Variants in CABP1 observed in about 807,000 individuals in gnomAD.
The protein encoded by CABP1 is calcium-binding protein 1.
Under a neutral mutation model 34.3 loss-of-function variants are expected in CABP1, and 17 were observed. The observed-to-expected ratio is 0.50, with a 90% CI of 0.34 to 0.74. The LOEUF (loss-of-function observed/expected upper bound fraction) is 0.74, where lower values mean the gene tolerates loss of function less well. CABP1 is among the 30% of genes least tolerant of loss of function. CABP1 has a pLI of 0.01. For synonymous variants in CABP1, 198 were observed against 229.2 expected (o/e 0.86, Z 1.23); for missense variants, 373 against 511.1 (o/e 0.73, Z 2.61).
intron 1 of CABP1, chr12:120,650,508 C>G (rs763277848): frequency 2.6e-4 from 410 of 1,558,866 alleles, no homozygotes; most frequent in Non-Finnish European, 3.4e-4. Flanking sequence ...GGCTCACATC[C>G]GTCCTGGAGG....
intron 1 of CABP1, chr12:120,655,475 ACCT>A: frequency 2.9e-6 from 3 of 1,029,716 alleles, no homozygotes; most frequent in Non-Finnish European, 3.5e-6. Context: ...CCCAGTCCCC[ACCT>A]CTCACACCCT....
At chr12:120,642,277 G>A (rs7301150) in intron 1 of CABP1, among the ~76,000 whole-genome samples, 69 of 152,212 alleles carry the variant, frequency 4.5e-4, no homozygotes, top group African/African-American at 1.6e-3. Context: ...TGATTAGAGC[G>A]TTTGCGTGGT....
Position 120,667,038 on chromosome 12 carries a change from C to CG in CABP1, c.*138_*139insG. ...GGCCTGCCTGCACCCCGGGGAGGCG[C>CG]CCACCCCGGACCCCCACCCCTCCGC... On this transcript the variant is annotated 3_prime_UTR_variant, in exon 6 of 6. Coordinates refer to ENST00000316803, the MANE Select transcript of CABP1 (RefSeq NM_001033677.2). The CG allele has an allele frequency of 2.0e-6, 2 of 1,008,394 alleles. No homozygotes were observed. The highest frequency in any genetic ancestry group is 2.9e-6 in the Non-Finnish European group (2 of 679,686). 62.5% of individuals were successfully genotyped at this position (1,008,394 alleles called of 1,614,324 possible).
intron 1 of CABP1, chr12:120,655,804 C>T (rs1446062942): frequency 6.6e-7 from 1 of 1,510,882 alleles, no homozygotes; most frequent in South Asian, 1.2e-5. Flanking sequence ...TGATTCTGTG[C>T]ATATGTATGT....
At chr12:120,650,806 G>T in intron 1 of CABP1, 2 of 989,442 alleles carry the variant, frequency 2.0e-6, no homozygotes, top group Non-Finnish European at 3.1e-6. Context: ...TCTGTCCAGG[G>T]CTGCCTCCCT....
At chr12:120,662,367 G>A (rs1880703615) in intron 5 of CABP1, 1 of 151,842 alleles carries the variant, frequency 6.6e-6, no homozygotes, top group Non-Finnish European at 1.5e-5. Context: ...TTGTTTGTTT[G>A]TTTGTTTGTT....
the CABP1 span, among the ~76,000 whole-genome samples, chr12:120,677,776 G>A: frequency 2.6e-5 from 4 of 152,188 alleles, no homozygotes; most frequent in African/African-American, 4.8e-5. Context: ...ATTCACAGAT[G>A]AGGAAACCAA....
chr12:120,680,196 TGTC>T, the CABP1 span, among the ~76,000 whole-genome samples: 1 of 152,182 alleles, frequency 6.6e-6, no homozygotes. Flanking sequence ...TTCTCTTCCA[TGTC>T]GTCTGCATTT....
chr12:120,653,021 T>C lies in CABP1; in HGVS notation c.655-6857T>C, dbSNP rs578150205. ...CATTGGCCAGAAAAGAATTGCAGCCTCTGGGGCAACTTGGTGTTAGGCAGT... is the reference window on the plus strand; with the variant it reads ...CATTGGCCAGAAAAGAATTGCAGCCCCTGGGGCAACTTGGTGTTAGGCAGT... On this transcript the variant is annotated intron_variant, in intron 1 of 5. Coordinates refer to ENST00000316803, the MANE Select transcript of CABP1 (RefSeq NM_001033677.2). 2.0e-5 allele frequency among the ~76,000 whole-genome samples: 3 copies of C among 152,310 alleles called. No individual in the cohort carries two copies. In the East Asian group the frequency reaches 5.8e-4, roughly 29 times the overall value.
intron 1 of CABP1, among the ~76,000 whole-genome samples, chr12:120,647,116 G>T (rs1879575842): frequency 6.6e-6 from 1 of 152,196 alleles, no homozygotes; most frequent in Non-Finnish European, 1.5e-5. Flanking sequence ...CCTGCAGGGG[G>T]CAGGAACCAC....
At chr12:120,665,761 C>T (rs140428043) in intron 5 of CABP1, among the ~76,000 whole-genome samples, 9,765 of 152,156 alleles carry the variant, frequency 0.064, 377 homozygotes, top group Admixed American at 0.12. Context: ...GTGGCTCACG[C>T]CTGTAATCCC....
intron 1 of CABP1, among the ~76,000 whole-genome samples, chr12:120,648,806 A>C (rs1355068146): frequency 6.6e-6 from 1 of 151,582 alleles, no homozygotes; most frequent in Admixed American, 6.6e-5. Flanking sequence ...GCTTCAACCC[A>C]GGAGGCAGAG....
the CABP1 span, among the ~76,000 whole-genome samples, chr12:120,673,047 A>G: frequency 6.6e-6 from 1 of 152,128 alleles, no homozygotes; most frequent in South Asian, 2.1e-4. Flanking sequence ...AAAAAAAGAA[A>G]AAGATTTTTA....
At position 120,659,915 on chromosome 12, in the gene CABP1, C is replaced by G; in HGVS notation, c.685+7C>G. On this transcript the variant is annotated splice_region_variant and intron_variant, in intron 2 of 5. Coordinates refer to ENST00000316803, the MANE Select transcript of CABP1 (RefSeq NM_001033677.2). ...CGACCAGAGGAAATTGAAGGTAAAACTTGGCCCCTTGGGGGAAAGGACTGC... is the reference window on the plus strand; with the variant it reads ...CGACCAGAGGAAATTGAAGGTAAAAGTTGGCCCCTTGGGGGAAAGGACTGC... The G allele has an allele frequency of 1.2e-6, 2 of 1,613,744 alleles. No individual in the cohort carries two copies. Among genetic ancestry groups the G allele is most frequent in the Non-Finnish European group, 1.7e-6 (2 of 1,179,778 alleles).
chr12:120,676,577 G>A, the CABP1 span, among the ~76,000 whole-genome samples: 2 of 151,928 alleles, frequency 1.3e-5, no homozygotes, highest in Non-Finnish European at 1.5e-5. Context: ...ACAGGCATGC[G>A]CCACCACACC....
intron 1 of CABP1, among the ~76,000 whole-genome samples, chr12:120,646,703 G>A (rs975050688): frequency 1.3e-5 from 2 of 152,010 alleles, no homozygotes; most frequent in African/African-American, 4.8e-5. Context: ...AATAGAGATG[G>A]GGTCTTGCTA....
chr12:120,657,165 T>A (rs546074041), intron 1 of CABP1, among the ~76,000 whole-genome samples: 1 of 152,150 alleles, frequency 6.6e-6, no homozygotes, highest in Non-Finnish European at 1.5e-5. Context: ...AGGAACTGAA[T>A]TATGGATTTT....
intron 1 of CABP1, among the ~76,000 whole-genome samples, chr12:120,651,188 A>G (rs1879823669): frequency 6.6e-6 from 1 of 151,978 alleles, no homozygotes; most frequent in African/African-American, 2.4e-5. Context: ...CCAAACAACA[A>G]TAATTCTTCC....
At chr12:120,653,532 T>A (rs1280293896) in intron 1 of CABP1, among the ~76,000 whole-genome samples, 2 of 152,130 alleles carry the variant, frequency 1.3e-5, no homozygotes, top group Non-Finnish European at 2.9e-5. Flanking sequence ...TTTTGTTTTG[T>A]TTTTTGTTTT....
Sources: allele counts gnomAD v4.1 joint callset (sites outside exome capture counted in the v4.1 genomes callset), GRCh38; gene constraint gnomAD v4.1.1; transcripts MANE v1.5; gene names NCBI Gene and HGNC (gene_info 2026-07-23, HGNC 2026-07-21).